The following PLCL1 variants were observed in gnomAD, a reference collection of about 807,000 sequenced individuals.
PLCL1 encodes inactive phospholipase C-like protein 1.
Under a neutral mutation model 84.4 loss-of-function variants are expected in PLCL1, and 41 were observed. The ratio of observed to expected loss-of-function variants is 0.49; its 90% CI spans 0.38 to 0.63. The LOEUF (loss-of-function observed/expected upper bound fraction) is 0.63, where lower values mean the gene tolerates loss of function less well. Among genes scored for constraint, PLCL1 ranks in the 30% least tolerant of loss-of-function variants. PLCL1 has a pLI of 0.00. For synonymous variants in PLCL1, 490 were observed against 488.3 expected (o/e 1.00, Z -0.05); for missense variants, 1,206 against 1,367.8 (o/e 0.88, Z 1.87).
Position 198,084,106 on chromosome 2 carries a change from A to G in PLCL1, c.589A>G (p.Asn197Asp), listed in dbSNP as rs766416473. 6.2e-7 allele frequency: 1 copy of G among 1,614,148 alleles called. No homozygotes were observed. Among genetic ancestry groups the G allele is most frequent in the East Asian group, 2.2e-5 (1 of 44,880 alleles). ...DCAFSILHGE[N>D]YESLDLVANS... ...TGCCTTTTCCATACTCCACGGGGAAAACTATGAGTCTCTGGACCTAGTTGC... is the reference window on the plus strand; with the variant it reads ...TGCCTTTTCCATACTCCACGGGGAAGACTATGAGTCTCTGGACCTAGTTGC... Residue 197 changes from asparagine to aspartate, a missense_variant, in exon 2 of 6, where the codon AAC (asparagine) becomes GAC (aspartate). Physicochemically the swap from Asn to Asp is conservative, Grantham distance 23. Coordinates refer to ENST00000428675, the MANE Select transcript of PLCL1 (RefSeq NM_006226.4).
At chr2:198,003,720 G>A (rs1690660267) in intron 1 of PLCL1, among the ~76,000 whole-genome samples, 1 of 152,114 alleles carries the variant, frequency 6.6e-6, no homozygotes, top group South Asian at 2.1e-4. Context: ...TATGGCCTAC[G>A]CAGAAGAATA....
chr2:198,140,990 T>A lies in PLCL1; in HGVS notation c.3106-5790T>A, dbSNP rs548893037. Reference sequence around the variant, plus strand: ...GGTGAGCATGTCCAGTGTAATTCTCTTCATGTTCCTGTACAGATTATTTTT... The same window carrying A: ...GGTGAGCATGTCCAGTGTAATTCTCATCATGTTCCTGTACAGATTATTTTT... On this transcript the variant is annotated intron_variant, in intron 5 of 5. Transcript: ENST00000428675. Among the ~76,000 whole-genome samples the A allele has an allele frequency of 2.0e-5, 3 of 152,288 alleles. No individual in the cohort carries two copies. In the South Asian group the frequency reaches 6.2e-4, roughly 32 times the overall value.
intron 1 of PLCL1, among the ~76,000 whole-genome samples, chr2:198,081,811 G>A (rs1030464854): frequency 2.6e-5 from 4 of 152,086 alleles, no homozygotes; most frequent in African/African-American, 7.2e-5. Flanking sequence ...CTGAATCATA[G>A]GATAGGCAAG....
At chr2:197,994,897 T>G (rs1690426705) in intron 1 of PLCL1, among the ~76,000 whole-genome samples, 1 of 152,348 alleles carries the variant, frequency 6.6e-6, no homozygotes, top group African/African-American at 2.4e-5. Context: ...AGTTTTCTTA[T>G]CTAATCAGAG....
At chr2:198,040,840 C>T (rs1202354214) in intron 1 of PLCL1, among the ~76,000 whole-genome samples, 6 of 152,086 alleles carry the variant, frequency 3.9e-5, no homozygotes, top group Admixed American at 3.9e-4. Flanking sequence ...CATGTAGAAA[C>T]TGATAGATGA....
chr2:197,854,665 C>T (rs2105686190), intron 1 of PLCL1, among the ~76,000 whole-genome samples: 1 of 152,126 alleles, frequency 6.6e-6, no homozygotes, highest in African/African-American at 2.4e-5. Flanking sequence ...TATCTGTATA[C>T]TAGGGCTATA....
chr2:197,983,076 T>G (rs1690143370), intron 1 of PLCL1, among the ~76,000 whole-genome samples: 1 of 151,956 alleles, frequency 6.6e-6, no homozygotes, highest in South Asian at 2.1e-4. Flanking sequence ...TCCTTCCCCT[T>G]TATCCCTGTG....
chr2:197,913,192 G>C (rs527280936), intron 1 of PLCL1, among the ~76,000 whole-genome samples: 1 of 152,120 alleles, frequency 6.6e-6, no homozygotes, highest in South Asian at 2.1e-4. Context: ...TTAGTTACTA[G>C]GAAAAAAAGA....
chr2:197,993,035 A>C (rs528711373), intron 1 of PLCL1, among the ~76,000 whole-genome samples: 1 of 152,252 alleles, frequency 6.6e-6, no homozygotes, highest in South Asian at 2.1e-4. Context: ...CCAGAAGTGT[A>C]ATTGCTGGAT....
intron 1 of PLCL1, among the ~76,000 whole-genome samples, chr2:197,995,950 T>C (rs1690453796): frequency 6.6e-6 from 1 of 152,134 alleles, no homozygotes; most frequent in African/African-American, 2.4e-5. Context: ...ACAGGAAATG[T>C]GATTTGGGGG....
intron 1 of PLCL1, among the ~76,000 whole-genome samples, chr2:197,981,509 T>C (rs1206318678): frequency 6.6e-6 from 1 of 152,228 alleles, no homozygotes. Flanking sequence ...GTTATTTGCA[T>C]GTAAATCATA....
At chr2:197,951,951 C>T (rs968939281) in intron 1 of PLCL1, among the ~76,000 whole-genome samples, 3 of 152,152 alleles carry the variant, frequency 2.0e-5, no homozygotes, top group Admixed American at 6.5e-5. Flanking sequence ...ACTAATCTGT[C>T]TCTTTTGATT....
At chr2:197,979,389 G>A (rs1230725013) in intron 1 of PLCL1, among the ~76,000 whole-genome samples, 1 of 152,142 alleles carries the variant, frequency 6.6e-6, no homozygotes, top group Non-Finnish European at 1.5e-5. Context: ...TGTTGCTAAC[G>A]TAGTTCTCTA....
chr2:197,982,973 T>C (rs1690140854), intron 1 of PLCL1, among the ~76,000 whole-genome samples: 1 of 152,120 alleles, frequency 6.6e-6, no homozygotes, highest in Non-Finnish European at 1.5e-5. Context: ...TTGCTTAATT[T>C]TAAATTGGTA....
intron 1 of PLCL1, among the ~76,000 whole-genome samples, chr2:198,073,854 A>G (rs1559093935): frequency 1.3e-5 from 2 of 152,208 alleles, no homozygotes; most frequent in African/African-American, 4.8e-5. Context: ...AAATCTAGAG[A>G]AAGATCAGTT....
At chr2:197,884,486 C>T (rs1380128439) in intron 1 of PLCL1, among the ~76,000 whole-genome samples, 2 of 152,124 alleles carry the variant, frequency 1.3e-5, no homozygotes, top group Non-Finnish European at 2.9e-5. Flanking sequence ...AGTCTTTTAG[C>T]TGGAATAAAA....
intron 1 of PLCL1, among the ~76,000 whole-genome samples, chr2:198,008,379 G>C (rs1323998644): frequency 1.3e-5 from 2 of 151,950 alleles, no homozygotes; most frequent in African/African-American, 4.8e-5. Context: ...CTTCTCCTCA[G>C]ACCCTGGAAA....
At chr2:197,845,681 C>T (rs1687106493) in intron 1 of PLCL1, among the ~76,000 whole-genome samples, 1 of 152,076 alleles carries the variant, frequency 6.6e-6, no homozygotes, top group Admixed American at 6.6e-5. Context: ...CCTTTCCTCC[C>T]CATAATATGT....
chr2:197,968,794 A>C (rs997647526), intron 1 of PLCL1, among the ~76,000 whole-genome samples: 5 of 152,334 alleles, frequency 3.3e-5, no homozygotes, highest in African/African-American at 1.2e-4. Context: ...AACATAGTGC[A>C]GGTATTAGTC....
Sources: allele counts gnomAD v4.1 joint callset (sites outside exome capture counted in the v4.1 genomes callset), GRCh38; gene constraint gnomAD v4.1.1; transcripts MANE v1.5; gene names NCBI Gene and HGNC (gene_info 2026-07-23, HGNC 2026-07-21).